The following RNF144A variants were observed in gnomAD, a reference collection of about 807,000 sequenced individuals.
RNF144A encodes ring finger protein 144A.
In RNF144A, 11 loss-of-function variants were observed where a neutral mutation model predicts 38.7. The ratio of observed to expected loss-of-function variants is 0.28; its 90% CI spans 0.18 to 0.47. The LOEUF (loss-of-function observed/expected upper bound fraction) is 0.47, where lower values mean the gene tolerates loss of function less well. RNF144A is among the 20% of genes least tolerant of loss of function. The pLI is 0.99. For missense variants in RNF144A, 316 were observed against 377.2 expected (o/e 0.84, Z 1.34); for synonymous variants, 149 against 143.9 (o/e 1.04, Z -0.25).
chr2:6,929,468 C>T (rs1665076932), intron 1 of RNF144A, among the ~76,000 whole-genome samples: 2 of 152,176 alleles, frequency 1.3e-5, no homozygotes, highest in South Asian at 4.1e-4. Flanking sequence ...CTGAACTTCA[C>T]TCTGGAACTT....
chr2:6,979,892 G>A (rs183067770), intron 2 of RNF144A, among the ~76,000 whole-genome samples: 2 of 152,244 alleles, frequency 1.3e-5, no homozygotes, highest in Non-Finnish European at 2.9e-5. Context: ...CAACAAAAGA[G>A]GTTTAATTGA....
intron 2 of RNF144A, among the ~76,000 whole-genome samples, chr2:6,955,402 C>T (rs551021338): frequency 1.9e-4 from 29 of 152,278 alleles, no homozygotes; most frequent in African/African-American, 6.7e-4. Context: ...ACATCCTTTA[C>T]ATTTAAGGCC....
intron 1 of RNF144A, among the ~76,000 whole-genome samples, chr2:6,922,248 C>CGACTGG (rs150559985): frequency 1.3e-4 from 1 of 7,440 alleles, no homozygotes; most frequent in Non-Finnish European, 2.0e-3. Context: ...CTGGGGCCAG[C>CGACTGG]GAACTAGACA....
chr2:7,007,807 C>T (rs1177613602), intron 3 of RNF144A, among the ~76,000 whole-genome samples: 1 of 152,186 alleles, frequency 6.6e-6, no homozygotes, highest in Non-Finnish European at 1.5e-5. Flanking sequence ...TCTGTGAATC[C>T]GGGTTTTCAT....
chr2:7,049,200 T>C (rs1170240123), intron 6 of RNF144A, among the ~76,000 whole-genome samples: 4 of 152,110 alleles, frequency 2.6e-5, no homozygotes, highest in Non-Finnish European at 4.4e-5. Context: ...GGGCTGGCCT[T>C]CCAGGCAGAG....
intron 7 of RNF144A, among the ~76,000 whole-genome samples, chr2:7,026,835 C>T (rs144529502): frequency 0.022 from 3,419 of 152,246 alleles, 55 homozygotes; most frequent in Non-Finnish European, 0.035. Flanking sequence ...AGGTTCCGCC[C>T]CTTGCTAATG....
At chr2:7,074,950 C>T in the RNF144A span, among the ~76,000 whole-genome samples, 1 of 152,114 alleles carries the variant, frequency 6.6e-6, no homozygotes, top group Non-Finnish European at 1.5e-5. Flanking sequence ...TATAGCATGA[C>T]TTGAAAATTT....
chr2:7,044,403 C>G (rs1673219012), downstream of RNF144A, among the ~76,000 whole-genome samples: 1 of 152,144 alleles, frequency 6.6e-6, no homozygotes, highest in South Asian at 2.1e-4. Flanking sequence ...GTTCTCAACT[C>G]CTAGATGCCA....
intron 2 of RNF144A, among the ~76,000 whole-genome samples, chr2:6,980,824 A>C (rs1053124661): frequency 3.3e-5 from 5 of 152,338 alleles, no homozygotes; most frequent in Middle Eastern, 3.4e-3. Flanking sequence ...AAGGTTCTCC[A>C]TGAAGGCTCT....
intron 5 of RNF144A, 83 bp from the exon 6 acceptor site, chr2:7,020,390 G>T: frequency 8.2e-7 from 1 of 1,218,762 alleles, no homozygotes; most frequent in South Asian, 1.3e-5. Context: ...CTCCCTGTCC[G>T]TGCACTGAGG....
chr2:6,924,230 C>T (rs185219829), intron 1 of RNF144A, among the ~76,000 whole-genome samples: 6 of 152,268 alleles, frequency 3.9e-5, no homozygotes, highest in African/African-American at 7.2e-5. Context: ...TCCTGGGTAC[C>T]GTGGTTGTGT....
intron 2 of RNF144A, chr2:6,978,638 C>G (rs1285764928): frequency 6.6e-6 from 1 of 152,604 alleles, no homozygotes; most frequent in Non-Finnish European, 1.5e-5. Context: ...AAGGTTGCAT[C>G]AGTTTATGTG....
intron 6 of RNF144A, 198 bp downstream of exon 6, chr2:7,020,878 A>T: frequency 1.7e-6 from 1 of 593,676 alleles, no homozygotes; most frequent in South Asian, 2.1e-5. Flanking sequence ...ACTATGTACC[A>T]GGCACTGTGT....
intron 5 of RNF144A, among the ~76,000 whole-genome samples, chr2:7,019,016 C>T (rs902086581): frequency 8.5e-5 from 13 of 152,186 alleles, no homozygotes; most frequent in Non-Finnish European, 1.8e-4. Context: ...ATTTCCAGAT[C>T]ACTGTGTCTG....
chr2:7,034,847 G>A (rs563326870), intron 8 of RNF144A, among the ~76,000 whole-genome samples: 4 of 152,310 alleles, frequency 2.6e-5, no homozygotes, highest in East Asian at 3.9e-4. Context: ...CTCTGGGGCC[G>A]GCTGGGGAGC....
chr2:6,959,664 C>A (rs1023510582), intron 2 of RNF144A, among the ~76,000 whole-genome samples: 1 of 152,178 alleles, frequency 6.6e-6, no homozygotes, highest in African/African-American at 2.4e-5. Flanking sequence ...ATAACAGACT[C>A]ACTCTCAGGG....
chr2:6,926,753 C>T (rs1007952654), intron 1 of RNF144A, among the ~76,000 whole-genome samples: 1 of 152,194 alleles, frequency 6.6e-6, no homozygotes, highest in Non-Finnish European at 1.5e-5. Flanking sequence ...CCAGAAACAG[C>T]CACATTCATT....
intron 2 of RNF144A, among the ~76,000 whole-genome samples, chr2:6,968,784 A>G (rs1667824558): frequency 6.6e-6 from 1 of 152,106 alleles, no homozygotes. Context: ...TGGCGAGGGC[A>G]TTGCCAGTGT....
At chr2:7,030,809 C>T (rs1672248142) in intron 8 of RNF144A, among the ~76,000 whole-genome samples, 1 of 151,946 alleles carries the variant, frequency 6.6e-6, no homozygotes, top group Admixed American at 6.6e-5. Flanking sequence ...AATAGTTGTA[C>T]AACTCACTAT....
Sources: gnomAD v4.1 joint callset for allele counts (sites outside exome capture counted in the v4.1 genomes callset) on GRCh38, gnomAD v4.1.1 for gene constraint, MANE v1.5 for transcripts, NCBI Gene and HGNC (gene_info 2026-07-23, HGNC 2026-07-21) for gene names.